LMBRD1: variants seen among roughly 807,000 people sequenced by gnomAD.
The protein encoded by LMBRD1 is LMBR1 domain containing 1, also known as lysosomal cobalamin transport escort protein LMBD1.
A neutral mutation model predicts 74.8 loss-of-function variants in LMBRD1; 64 were observed. That is an observed-to-expected ratio of 0.86 (90% confidence interval 0.70 to 1.05). The LOEUF (loss-of-function observed/expected upper bound fraction) is 1.05, where lower values mean the gene tolerates loss of function less well. LMBRD1 is among the 50% of genes least tolerant of loss of function. LMBRD1 has a pLI of 0.00. For missense variants in LMBRD1, 652 were observed against 645.9 expected (o/e 1.01, Z -0.10); for synonymous variants, 204 against 216.3 (o/e 0.94, Z 0.50).
At chr6:69,756,299 G>C (rs1004044094) in intron 3 of LMBRD1, among the ~76,000 whole-genome samples, 1 of 150,638 alleles carries the variant, frequency 6.6e-6, no homozygotes, top group Non-Finnish European at 1.5e-5. Context: ...GGAGGCGGAG[G>C]TTGCAGTAAG....
intron 4 of LMBRD1, among the ~76,000 whole-genome samples, chr6:69,749,903 CAT>C (rs1174244036): frequency 2.4e-5 from 3 of 122,678 alleles, no homozygotes; most frequent in East Asian, 2.2e-4. Flanking sequence ...CTCATATATA[CAT>C]ATATAAGTAT....
At chr6:69,691,378 T>C (rs908772966) in intron 14 of LMBRD1, among the ~76,000 whole-genome samples, 1 of 152,320 alleles carries the variant, frequency 6.6e-6, no homozygotes, top group East Asian at 1.9e-4. Flanking sequence ...CTAAAGTTTT[T>C]TCTTCTTTAA....
chr6:69,700,898 A>G, intron 11 of LMBRD1, 29 bp from the exon 12 acceptor site: 2 of 1,267,204 alleles, frequency 1.6e-6, no homozygotes, highest in Non-Finnish European at 2.2e-6. Context: ...ATTAAATTTA[A>G]CATATAAACT....
intron 6 of LMBRD1, among the ~76,000 whole-genome samples, chr6:69,739,917 C>A (rs141572214): frequency 0.016 from 2,468 of 152,218 alleles, 54 homozygotes; most frequent in African/African-American, 0.056. Flanking sequence ...ACCAGCCTGG[C>A]CAATATGTTG....
rs963400481 is a variant in LMBRD1, at chr6:69,738,934, T to C, written c.563-919A>G. Among the ~76,000 whole-genome samples, 4 of 152,162 alleles carry C rather than the reference T, an allele frequency of 2.6e-5. No homozygotes were observed. In the East Asian group the frequency reaches 7.7e-4, roughly 29 times the overall value. On this transcript the variant is annotated intron_variant, in intron 6 of 15. Coordinates refer to ENST00000649934, the MANE Select transcript of LMBRD1 (RefSeq NM_018368.4). ...ATGATCTATCATCTTAAAACTCATG[T>C]CTCAGTTTTGTATAACACATAAAGA...
chr6:69,729,636 G>C lies in LMBRD1; in HGVS notation c.636+8306C>G, dbSNP rs554220325. ...AATGGAATTGATATACTTATTAGAA[G>C]AGCTGAACTGAATTTCTAAATAGCT... On this transcript the variant is annotated intron_variant, in intron 7 of 15. Transcript: ENST00000649934. 5.3e-5 allele frequency among the ~76,000 whole-genome samples: 8 copies of C among 151,986 alleles called. No homozygotes were observed. The East Asian group carries it at 1.5e-3, about 29-fold the overall frequency.
At chr6:69,778,954 A>G (rs556413043) in intron 3 of LMBRD1, among the ~76,000 whole-genome samples, 1 of 152,214 alleles carries the variant, frequency 6.6e-6, no homozygotes, top group South Asian at 2.1e-4. Flanking sequence ...TCGGAAGGCC[A>G]GGATGGGCGG....
chr6:69,735,870 G>T (rs932791326), intron 7 of LMBRD1, among the ~76,000 whole-genome samples: 1 of 152,148 alleles, frequency 6.6e-6, no homozygotes, highest in Non-Finnish European at 1.5e-5. Context: ...ACCTCTCAAT[G>T]AAACTTTTAC....
rs7762910 is a variant in LMBRD1, at chr6:69,753,012, T to G, written c.308-656A>C. On this transcript the variant is annotated intron_variant, in intron 3 of 15. Transcript: ENST00000649934. ...GCAGCTATGAACATGCAAGGACAAA[T>G]AGCTCTTCATGACCCTGTTTTCAAT... is the stretch of plus-strand genomic sequence containing the variant. 6.9e-3 allele frequency among the ~76,000 whole-genome samples: 1,051 copies of G among 152,298 alleles called. 15 individuals carry two copies. The highest frequency in any genetic ancestry group is 0.021 in the African/African-American group (880 of 41,566).
intron 6 of LMBRD1, among the ~76,000 whole-genome samples, chr6:69,739,088 G>A (rs947403245): frequency 2.0e-5 from 3 of 152,102 alleles, no homozygotes; most frequent in Non-Finnish European, 4.4e-5. Context: ...GAAGTATCAT[G>A]AGAAGGTGTT....
intron 5 of LMBRD1, chr6:69,745,919 T>G (rs1214056983): frequency 4.5e-6 from 1 of 223,356 alleles, no homozygotes; most frequent in Non-Finnish European, 9.0e-6. Context: ...TAGTGGTGCC[T>G]GGTCACCAGA....
chr6:69,683,979 C>T (rs1166573492), intron 14 of LMBRD1, among the ~76,000 whole-genome samples: 1 of 151,980 alleles, frequency 6.6e-6, no homozygotes, highest in Non-Finnish European at 1.5e-5. Context: ...TTCCCAGTTC[C>T]TGATATTTAA....
intron 1 of LMBRD1, chr6:69,790,694 T>A: frequency 3.7e-6 from 2 of 534,040 alleles, no homozygotes; most frequent in Non-Finnish European, 6.8e-6. Context: ...CACAATACTA[T>A]TAATAACAGT....
chr6:69,790,233 G>C, intron 2 of LMBRD1, 63 bp downstream of exon 2: 1 of 1,070,250 alleles, frequency 9.3e-7, no homozygotes, highest in Non-Finnish European at 1.4e-6. Context: ...AATATGTATC[G>C]GACTGCCAAG....
chr6:69,699,018 A>C (rs771817905), intron 13 of LMBRD1, 25 bp downstream of exon 13: 1 of 1,462,574 alleles, frequency 6.8e-7, no homozygotes, highest in Non-Finnish European at 9.6e-7. Context: ...TATCAAAATA[A>C]TCAAGTTTCA....
intron 3 of LMBRD1, among the ~76,000 whole-genome samples, chr6:69,765,734 G>A (rs1765463324): frequency 6.6e-6 from 1 of 152,060 alleles, no homozygotes; most frequent in Non-Finnish European, 1.5e-5. Context: ...CATCTTTACA[G>A]CATTGTGTTT....
chr6:69,749,137 T>G (rs981899341), intron 5 of LMBRD1, among the ~76,000 whole-genome samples: 5 of 151,990 alleles, frequency 3.3e-5, no homozygotes, highest in Non-Finnish European at 7.4e-5. Flanking sequence ...CTGCTTGCAT[T>G]CAAGCACATA....
chr6:69,733,990 T>G (rs1376767894), intron 7 of LMBRD1, among the ~76,000 whole-genome samples: 3 of 152,148 alleles, frequency 2.0e-5, no homozygotes, highest in African/African-American at 7.2e-5. Context: ...CCTCACTACT[T>G]TATTACTTAA....
intron 9 of LMBRD1, chr6:69,706,195 C>A (rs745810990): frequency 4.5e-6 from 2 of 439,778 alleles, no homozygotes; most frequent in Middle Eastern, 7.3e-4. Flanking sequence ...GGAGAGAAGG[C>A]AGATGGAGAT....
Sources: allele counts gnomAD v4.1 joint callset (sites outside exome capture counted in the v4.1 genomes callset), GRCh38; gene constraint gnomAD v4.1.1; transcripts MANE v1.5; gene names NCBI Gene and HGNC (gene_info 2026-07-23, HGNC 2026-07-21).